Variants in KIF5A observed in about 807,000 individuals in gnomAD.
The protein encoded by KIF5A is kinesin heavy chain isoform 5A.
A neutral mutation model predicts 141.3 loss-of-function variants in KIF5A; 35 were observed. The ratio of observed to expected loss-of-function variants is 0.25; its 90% CI spans 0.19 to 0.33. KIF5A has a LOEUF of 0.33. KIF5A is among the 10% of genes least tolerant of loss of function. The pLI is 1.00. For missense variants in KIF5A, 861 were observed against 1,314.3 expected, an observed-to-expected ratio of 0.66 and a Z score of 5.33; for synonymous variants, 448 against 500.2, an observed-to-expected ratio of 0.90 and a Z score of 1.39.
chr12:57,582,713 T>C, intron 27 of KIF5A, 84 bp downstream of exon 27: 1 of 1,150,558 alleles, frequency 8.7e-7, no homozygotes, highest in Non-Finnish European at 1.3e-6. Flanking sequence ...ACTTGGAGGT[T>C]CCTGGAGCCT....
rs11394212 is a variant in KIF5A at position 57,585,291 on chromosome 12, A to AT, written c.*1120dup. The AT allele has an allele frequency of 0.025, 3,729 of 150,728 alleles. 135 individuals carry two copies. The highest frequency in any genetic ancestry group is 0.074 in the African/African-American group (2,980 of 40,536). The allele number at this position is 150,728 out of a possible 1,614,324, so 9.3% of individuals were successfully genotyped here. A position where few individuals can be genotyped will look rare whatever the true frequency, so the allele number is the denominator to read the frequency against. On this transcript the variant is annotated 3_prime_UTR_variant, in exon 29 of 29. Coordinates refer to ENST00000455537, the MANE Select transcript of KIF5A (RefSeq NM_004984.4). ...GGAGCCTGACTTTTCCCCAATGTACATTTTTTTTTTCTCCACAAAGAGTTC... is the reference window on the plus strand; with the variant it reads ...GGAGCCTGACTTTTCCCCAATGTACATTTTTTTTTTTCTCCACAAAGAGTTC...
Position 57,584,342 on chromosome 12 carries a change from A to T in KIF5A, c.*161A>T, listed in dbSNP as rs1882694670. The T allele has an allele frequency of 6.5e-6, 1 of 152,692 alleles. No homozygotes were observed. The highest frequency in any genetic ancestry group is 1.5e-5 in the Non-Finnish European group (1 of 68,034). The allele number at this position is 152,692 out of a possible 1,614,324, so 9.5% of individuals were successfully genotyped here. A position where few individuals can be genotyped will look rare whatever the true frequency, so the allele number is the denominator to read the frequency against. ...TGATGTCTTCTCTTACTTACTCTGT[A>T]TCTCTTTGTACTCTGTATCTATATA... On this transcript the variant is annotated 3_prime_UTR_variant, in exon 29 of 29. Coordinates refer to ENST00000455537, the MANE Select transcript of KIF5A (RefSeq NM_004984.4).
At position 57,563,623 on chromosome 12, in the gene KIF5A, T is replaced by C; in HGVS notation, c.221T>C (p.Val74Ala). The part of the protein sequence containing the change: ...HACAMQIVKD[V>A]LAGYNGTIFA... ...CTTTCTCTACTGTCTCTTCCAGATG[T>C]CCTTGCTGGCTACAATGGCACCATT... is the stretch of plus-strand genomic sequence containing the variant. The change falls in exon 3 of 29, where the codon GTC (valine) becomes GCC (alanine). Residue 74 changes from valine to alanine, a missense_variant. Around this residue, in one of 5 missense-constraint regions of KIF5A, gnomAD observed 146 missense variants for 353.4 expected, o/e 0.41. Coordinates refer to ENST00000455537, the MANE Select transcript of KIF5A (RefSeq NM_004984.4). The C allele has an allele frequency of 3.1e-6, 5 of 1,614,152 alleles. No homozygotes were observed. The highest frequency in any genetic ancestry group is 4.2e-6 in the Non-Finnish European group (5 of 1,179,978).
At chr12:57,565,109 G>T in intron 6 of KIF5A, 136 bp downstream of exon 6, 1 of 784,194 alleles carries the variant, frequency 1.3e-6, no homozygotes. Flanking sequence ...GCCAGGGAGA[G>T]TCTAGGGGAT....
rs376139331 is a variant in KIF5A at position 57,572,544 on chromosome 12, G to A, written c.1570-36G>A. 6.8e-6 allele frequency: 11 copies of A among 1,613,974 alleles called. No individual in the cohort carries two copies. The highest frequency in any genetic ancestry group is 6.7e-5 in the East Asian group (3 of 44,894). ...CCTGGGCTGGGCAAGGGAGCAGGAG[G>A]ATGGCAACAGGAATGACCTGAGGGG... On this transcript the variant is annotated intron_variant, in intron 14 of 28. Coordinates refer to ENST00000455537, the MANE Select transcript of KIF5A (RefSeq NM_004984.4). The surrounding 1 kb of genome is among the most constrained non-coding windows in gnomAD (Gnocchi z 4.2).
intron 18 of KIF5A, 24 bp downstream of exon 18, chr12:57,576,175 C>T: frequency 6.2e-7 from 1 of 1,612,742 alleles, no homozygotes. Context: ...GTGTCAGGGA[C>T]AATTGGGGCC....
intron 12 of KIF5A, among the ~76,000 whole-genome samples, chr12:57,570,590 G>T (rs558828885): frequency 1.4e-4 from 22 of 152,138 alleles, no homozygotes; most frequent in Non-Finnish European, 2.8e-4. Flanking sequence ...GTAGAAACGG[G>T]GTTTCACCAT....
intron 6 of KIF5A, among the ~76,000 whole-genome samples, chr12:57,566,013 T>C (rs1266458922): frequency 1.3e-5 from 2 of 151,838 alleles, no homozygotes; most frequent in Admixed American, 1.3e-4. Context: ...GCGGGAGAAT[T>C]GCTTGAGCTC....
In KIF5A at chr12:57,550,419, G is replaced by T; in HGVS notation, c.129+19G>T. ...TATTGGGGTGAGTGTCGCCCAGGAGGGAATTCGGGGAGGGGGCAGGTGGCT... is the reference window on the plus strand; with the variant it reads ...TATTGGGGTGAGTGTCGCCCAGGAGTGAATTCGGGGAGGGGGCAGGTGGCT... On this transcript the variant is annotated intron_variant, in intron 1 of 28. Transcript: ENST00000455537. The surrounding 1 kb of genome is among the most constrained non-coding windows in gnomAD (Gnocchi z 4.6). 6.2e-7 allele frequency: 1 copy of T among 1,613,732 alleles called. No individual in the cohort carries two copies. The highest frequency in any genetic ancestry group is 8.5e-7 in the Non-Finnish European group (1 of 1,179,816).
At chr12:57,563,803 T>C (rs1227026905) in intron 3 of KIF5A, 110 bp downstream of exon 3, 10 of 1,004,562 alleles carry the variant, frequency 1.0e-5, no homozygotes, top group East Asian at 9.5e-5. Flanking sequence ...CAGAGGCAGA[T>C]AGATGAGTAC....
At chr12:57,571,956 A>T in intron 13 of KIF5A, 105 bp from the exon 14 acceptor site, 1 of 903,546 alleles carries the variant, frequency 1.1e-6, no homozygotes, top group African/African-American at 1.6e-5. Flanking sequence ...ACTTCCTCTT[A>T]ACTCTTTATT....
Position 57,571,365 on chromosome 12 carries a change from G to T in KIF5A, c.1338G>T (p.Lys446Asn), listed in dbSNP as rs1882250082. 1 of 1,613,710 alleles carries T rather than the reference G, an allele frequency of 6.2e-7. No homozygotes were observed. Among genetic ancestry groups the T allele is most frequent in the South Asian group, 1.1e-5 (1 of 91,070 alleles). Residue 446 changes from lysine (K) to asparagine (N), a missense_variant, in exon 13 of 29, where the codon AAG (lysine) becomes AAT (asparagine). By Grantham distance (94) the Lys-to-Asn change is moderately conservative. Around this residue, in one of 5 missense-constraint regions of KIF5A, gnomAD observed 167 missense variants for 192.0 expected, o/e 0.87. Coordinates refer to ENST00000455537, the MANE Select transcript of KIF5A (RefSeq NM_004984.4). ...NQQSQLIEKL[K>N]QQMLDQEELL... ...AAAGCCAACTCATAGAGAAGCTCAA[G>T]CAGCAAATGCTGGACCAGGAAGAGG...
chr12:57,570,024 G>T lies in KIF5A; in HGVS notation c.1155G>T (p.Glu385Asp). 6.2e-7 allele frequency: 1 copy of T among 1,613,764 alleles called. No individual in the cohort carries two copies. Among genetic ancestry groups the T allele is most frequent in the Admixed American group, 1.7e-5 (1 of 60,018 alleles). ...CTGAGACAGAGCGCCTGGCTGGGGA[G>T]GAGGCAGCCCTGGGAGCCGAGCTCT... ...NVPETERLAG[E>D]EAALGAELCE... The change falls in exon 12 of 29, where the codon GAG becomes GAT. Residue 385 changes from glutamate (E) to aspartate (D), a missense_variant. By Grantham distance (45) the Glu-to-Asp change is conservative. Transcript: ENST00000455537.
At chr12:57,581,761 G>A (rs1882609881) in intron 25 of KIF5A, 109 bp from the exon 26 acceptor site, 1 of 1,248,918 alleles carries the variant, frequency 8.0e-7, no homozygotes, top group Non-Finnish European at 1.2e-6. Flanking sequence ...GCTCTCTGGG[G>A]ATGGGGAGGG....
At position 57,572,048 on chromosome 12, in the gene KIF5A, C is replaced by T. The variant is rs754493404; in HGVS notation, c.1363-13C>T. On this transcript the variant is annotated splice_polypyrimidine_tract_variant and intron_variant, in intron 13 of 28. Coordinates refer to ENST00000455537, the MANE Select transcript of KIF5A (RefSeq NM_004984.4). This position sits in a 1 kb window ranked among gnomAD's most constrained non-coding sequence, Gnocchi z 4.2. ...CAGTGATCTTTCCCACATGCCACTC[C>T]TCTCCCTTGAAGCTGCTGGTGTCCA... 5.6e-6 allele frequency: 9 copies of T among 1,611,178 alleles called. No individual in the cohort carries two copies. The highest frequency in any genetic ancestry group is 1.3e-5 in the African/African-American group (1 of 74,840).
chr12:57,556,170 GCT>G (rs1158684218), intron 1 of KIF5A, among the ~76,000 whole-genome samples: 2 of 147,550 alleles, frequency 1.4e-5, no homozygotes, highest in Non-Finnish European at 3.0e-5. Context: ...ACGGAGTCTC[GCT>G]CTGTCACCCA....
At position 57,572,279 on chromosome 12, in the gene KIF5A, G is replaced by A. The variant is rs749115022; in HGVS notation, c.1569+12G>A. 3 of 1,572,894 alleles carry A rather than the reference G, an allele frequency of 1.9e-6. No individual in the cohort carries two copies. The highest frequency in any genetic ancestry group is 2.3e-5 in the South Asian group (2 of 86,040). On this transcript the variant is annotated intron_variant, in intron 14 of 28. Transcript: ENST00000455537. This position sits in a 1 kb window ranked among gnomAD's most constrained non-coding sequence, Gnocchi z 4.2. ...TGTCTCAGAAGGTGGTAAGTGGTGT[G>A]CCAATGGTCCAACAGCTCCCTGACC...
rs1594913644 is a variant in KIF5A, at chr12:57,565,385, C to T, written c.501+412C>T. Among the ~76,000 whole-genome samples, 6 of 152,098 alleles carry T rather than the reference C, an allele frequency of 3.9e-5. 2 individuals carry two copies. Among genetic ancestry groups the T allele is most frequent in the African/African-American group, 1.4e-4 (6 of 41,510 alleles). ...GCGGTGAGCCGAGATTGCGCCACTG[C>T]ACTCCAGCCTGGGCGACAGAGTGAG... On this transcript the variant is annotated intron_variant, in intron 6 of 28. Transcript: ENST00000455537.
Position 57,581,047 on chromosome 12 carries a change from G to A in KIF5A, c.2630G>A (p.Gly877Asp). Residue 877 changes from glycine to aspartate, a missense_variant, in exon 24 of 29, where the codon GGT becomes GAT. By Grantham distance (94) the Gly-to-Asp change is moderately conservative. Transcript: ENST00000455537. ...ATAERVKALE[G>D]ALKEAKEGAM... ...GCTGAGAGAGTTAAGGCCCTGGAGG[G>A]TGCACTGAAGGAGGCCAAGGAGGGC... 1 of 1,614,096 alleles carries A rather than the reference G, an allele frequency of 6.2e-7. No homozygotes were observed. Among genetic ancestry groups the A allele is most frequent in the Middle Eastern group, 1.6e-4 (1 of 6,062 alleles).
Sources: gnomAD v4.1 joint callset for allele counts (sites outside exome capture counted in the v4.1 genomes callset) on GRCh38, gnomAD v4.1.1 for gene constraint, gnomAD v4.1.1 regional missense constraint, Gnocchi (gnomAD v3.1) non-coding constraint, MANE v1.5 for transcripts, NCBI Gene and HGNC (gene_info 2026-07-23, HGNC 2026-07-21) for gene names.